The following SSTR3 variants were observed in gnomAD, a reference collection of about 807,000 sequenced individuals.
SSTR3 encodes somatostatin receptor type 3.
For synonymous variants in SSTR3, 281 were observed against 269.2 expected (o/e 1.04, Z -0.43); for missense variants, 504 against 604.7 (o/e 0.83, Z 1.75).
At chr22:37,218,560 C>T in the SSTR3 span, among the ~76,000 whole-genome samples, 1 of 152,106 alleles carries the variant, frequency 6.6e-6, no homozygotes, top group Non-Finnish European at 1.5e-5. Flanking sequence ...GAAACACGCC[C>T]CTCCCATAGA....
At position 37,207,174 on chromosome 22, in the gene SSTR3, C is replaced by T. The variant is rs199668206; in HGVS notation, c.630G>A (p.Thr210=). Residue 210 remains threonine (T), a synonymous_variant, in exon 2 of 2, where the codon ACG becomes ACA. Transcript: ENST00000610913. ...GCGGCCCGAAGAAGCCCAGTGCGGC[C>T]GTGTAGATGATGAAGCCGGCTCGCC... ...AAWRAGFIIY[T]AALGFFGPLL... 19 of 1,612,266 alleles carry T rather than the reference C, an allele frequency of 1.2e-5. No individual in the cohort carries two copies. Among genetic ancestry groups the T allele is most frequent in the South Asian group, 3.3e-5 (3 of 91,072 alleles).
In SSTR3 at chr22:37,206,939, G is replaced by T. The variant is rs779556043; in HGVS notation, c.865C>A (p.Pro289Thr). 1 of 1,613,444 alleles carries T rather than the reference G, an allele frequency of 6.2e-7. No homozygotes were observed. Among genetic ancestry groups the T allele is most frequent in the Non-Finnish European group, 8.5e-7 (1 of 1,180,018 alleles). ...AGGAAGTAGAGCCCAAAGAAGGCAG[G>T]CTCCTCGGGCAGTGGGCACACCACG... ...VNVVCPLPEE[P>T]AFFGLYFLVV... Residue 289 changes from proline to threonine, a missense_variant, in exon 2 of 2, where the codon CCT becomes ACT. Transcript: ENST00000610913.
rs141082621 is a variant in SSTR3, at chr22:37,207,708, C to T, written c.96G>A (p.Ser32=). 89 of 1,544,128 alleles carry T rather than the reference C, an allele frequency of 5.8e-5. No homozygotes were observed. In the African/African-American group the frequency reaches 6.9e-4, roughly 12 times the overall value. The change falls in exon 2 of 2, where the codon TCG becomes TCA. Residue 32 remains serine, a synonymous_variant. Coordinates refer to ENST00000610913, the MANE Select transcript of SSTR3 (RefSeq NM_001051.5). ...WPPDATLGNV[S]AGPSPAGLAV... Reference sequence around the variant, plus strand: ...CCAGCCCTGCCGGGCTTGGGCCCGCCGACACGTTGCCCAGGGTGGCATCTG... The same window carrying T: ...CCAGCCCTGCCGGGCTTGGGCCCGCTGACACGTTGCCCAGGGTGGCATCTG...
At position 37,212,337 on chromosome 22, in the gene SSTR3, AAG is replaced by A. The variant is rs1926243181; in HGVS notation, c.-551_-550del. The A allele has an allele frequency of 6.3e-6, 1 of 157,788 alleles. No individual in the cohort carries two copies. 9.8% of individuals were successfully genotyped at this position (157,788 alleles called of 1,614,324 possible). ...CGTGACAGGGAGAAGACGAGAAGGA[AAG>A]AGAGGAGAGGAGACACGGGTGAGAG... On this transcript the variant is annotated 5_prime_UTR_variant, in exon 1 of 2. It introduces an in-frame stop codon into an upstream open reading frame of the 5' UTR. Transcript: ENST00000610913.
At position 37,207,486 on chromosome 22, in the gene SSTR3, C is replaced by A; in HGVS notation, c.318G>T (p.Leu106=). 6.2e-7 allele frequency: 1 copy of A among 1,613,644 alleles called. No individual in the cohort carries two copies. The highest frequency in any genetic ancestry group is 8.5e-7 in the Non-Finnish European group (1 of 1,180,006). ...GLPFLAAQNA[L]SYWPFGSLMC... is the part of the protein sequence containing the mutation. The stretch of plus-strand genomic sequence containing the variant: ...TGAGGGAGCCGAAGGGCCAGTAGGA[C>A]AGGGCGTTCTGGGCGGCCAGGAAGG... The change falls in exon 2 of 2, where the codon CTG becomes CTT. Residue 106 remains leucine (L), a synonymous_variant. Coordinates refer to ENST00000610913, the MANE Select transcript of SSTR3 (RefSeq NM_001051.5).
chr22:37,206,776 C>G lies in SSTR3; in HGVS notation c.1028G>C (p.Gly343Ala). The change falls in exon 2 of 2, where the codon GGG (glycine) becomes GCG (alanine). Residue 343 changes from glycine to alanine, a missense_variant. Coordinates refer to ENST00000610913, the MANE Select transcript of SSTR3 (RefSeq NM_001051.5). ...CTCCTCCTCAGTCTTCTCCGGGGGC[C>G]CCACAGTGGGCTCCTGGCTGCGCAC... is the stretch of plus-strand genomic sequence containing the variant. ...RRVRSQEPTV[G>A]PPEKTEEEDE... 6.2e-7 allele frequency: 1 copy of G among 1,611,188 alleles called. No homozygotes were observed. Among genetic ancestry groups the G allele is most frequent in the East Asian group, 2.2e-5 (1 of 44,888 alleles).
At chr22:37,207,874 G>A in intron 1 of SSTR3, 35 bp from the exon 2 acceptor site, 1 of 1,438,624 alleles carries the variant, frequency 7.0e-7, no homozygotes, top group East Asian at 2.5e-5. Flanking sequence ...TCACAGCAGA[G>A]AATGGCTTTC....
chr22:37,216,533 C>T (rs1926453574), upstream of SSTR3, among the ~76,000 whole-genome samples: 1 of 152,346 alleles, frequency 6.6e-6, no homozygotes, highest in East Asian at 1.9e-4. Flanking sequence ...CATTTCCACA[C>T]GTTCCTATAG....
upstream of SSTR3, among the ~76,000 whole-genome samples, chr22:37,216,687 T>C (rs1029973181): frequency 1.3e-5 from 2 of 152,254 alleles, no homozygotes; most frequent in Admixed American, 1.3e-4. Context: ...TCTCCATTGT[T>C]GTTTGGGGAT....
At chr22:37,208,337 G>A (rs1293736484) in intron 1 of SSTR3, among the ~76,000 whole-genome samples, 1 of 152,228 alleles carries the variant, frequency 6.6e-6, no homozygotes, top group East Asian at 1.9e-4. Flanking sequence ...GAAGGTTAAT[G>A]TCAGATCTGT....
the SSTR3 span, among the ~76,000 whole-genome samples, chr22:37,219,903 G>A: frequency 6.6e-6 from 1 of 152,280 alleles, no homozygotes; most frequent in African/African-American, 2.4e-5. Context: ...GCTCAGCTGG[G>A]TCGCTGGCAT....
the SSTR3 span, among the ~76,000 whole-genome samples, chr22:37,218,707 G>A: frequency 1.3e-5 from 2 of 151,954 alleles, no homozygotes; most frequent in South Asian, 2.1e-4. Context: ...ACTCTGCCCT[G>A]TAGCGAATGT....
At chr22:37,210,018 C>T (rs1926096781) in intron 1 of SSTR3, among the ~76,000 whole-genome samples, 1 of 152,226 alleles carries the variant, frequency 6.6e-6, no homozygotes. Context: ...ATGAGTCCTT[C>T]TTAGACCTGG....
upstream of SSTR3, among the ~76,000 whole-genome samples, chr22:37,214,531 C>G (rs76103078): frequency 5.0e-3 from 763 of 152,242 alleles, 50 homozygotes; most frequent in East Asian, 0.13. Flanking sequence ...GGCGGGGGGG[C>G]TCCCTTGTAC....
At chr22:37,216,462 A>G (rs1391745721), upstream of SSTR3, among the ~76,000 whole-genome samples, 1 of 152,226 alleles carries the variant, frequency 6.6e-6, no homozygotes, top group East Asian at 1.9e-4. Flanking sequence ...CTGCTCAGCC[A>G]GGAGTTCATA....
chr22:37,208,628 A>G (rs565741150), intron 1 of SSTR3, among the ~76,000 whole-genome samples: 2 of 152,314 alleles, frequency 1.3e-5, no homozygotes, highest in East Asian at 3.9e-4. Flanking sequence ...CTGCCTGGAA[A>G]AGGGGACATT....
chr22:37,207,934 C>A, intron 1 of SSTR3, 95 bp from the exon 2 acceptor site: 1 of 1,353,872 alleles, frequency 7.4e-7, no homozygotes, highest in Non-Finnish European at 9.5e-7. Context: ...TGCTGCACGC[C>A]CATCCTCCCA....
In SSTR3 at chr22:37,210,671, G is replaced by T. The variant is rs547087361; in HGVS notation, c.-37+1154C>A. ...TGGCACAAGCTTGCCTGAAAGCTGG[G>T]GGCGGACTCCTTGGAGGACTGTTCA... On this transcript the variant is annotated intron_variant, in intron 1 of 1. Coordinates refer to ENST00000610913, the MANE Select transcript of SSTR3 (RefSeq NM_001051.5). The T allele has an allele frequency of 2.3e-5, 23 of 985,494 alleles. No homozygotes were observed. In the African/African-American group the frequency reaches 3.8e-4, roughly 16 times the overall value. The allele number at this position is 985,494 out of a possible 1,614,324, so 61.0% of individuals were successfully genotyped here. A position where few individuals can be genotyped will look rare whatever the true frequency, so the allele number is the denominator to read the frequency against.
chr22:37,219,064 A>G, the SSTR3 span, among the ~76,000 whole-genome samples: 1 of 152,176 alleles, frequency 6.6e-6, no homozygotes, highest in African/African-American at 2.4e-5. Context: ...TGCTGCTCAT[A>G]CATTGTGGTT....
Sources: allele counts gnomAD v4.1 joint callset (sites outside exome capture counted in the v4.1 genomes callset), GRCh38; gene constraint gnomAD v4.1.1; transcripts MANE v1.5; gene names NCBI Gene and HGNC (gene_info 2026-07-23, HGNC 2026-07-21).